The following RBBP8NL variants were observed in gnomAD, a reference collection of about 807,000 sequenced individuals.
The protein encoded by RBBP8NL is RBBP8 N-terminal-like protein.
A neutral mutation model predicts 62.2 loss-of-function variants in RBBP8NL; 59 were observed. The ratio of observed to expected loss-of-function variants is 0.95; its 90% CI spans 0.77 to 1.18. The LOEUF (loss-of-function observed/expected upper bound fraction) is 1.18, where lower values mean the gene tolerates loss of function less well. Among genes scored for constraint, RBBP8NL ranks in the 50% most tolerant of loss-of-function variants. The pLI, the probability that RBBP8NL is intolerant of heterozygous loss-of-function variation, is 0.00. For synonymous variants in RBBP8NL, 412 were observed against 394.1 expected, an observed-to-expected ratio of 1.05 and a Z score of -0.54; for missense variants, 896 against 899.5, an observed-to-expected ratio of 1.00 and a Z score of 0.05.
Position 62,415,183 on chromosome 20 carries a change from TG to T in RBBP8NL, c.731del (p.Pro244HisfsTer32). The T allele has an allele frequency of 6.5e-7, 1 of 1,530,410 alleles. No homozygotes were observed. 94.8% of individuals were successfully genotyped at this position (1,530,410 alleles called of 1,614,324 possible). On this transcript the variant is annotated frameshift_variant, in exon 9 of 14. Transcript: ENST00000252998. LOFTEE classifies it high-confidence loss of function. ...GTGGGCTGCTCCTGGCGGGCAGTGG[TG>T]GGGGCGTCCCATTGGCGGGGCCTCG... is the stretch of plus-strand genomic sequence containing the variant. The part of the protein sequence containing the change: ...ADRGPANGTP[P>X]PLPARSSPPS...
intron 2 of RBBP8NL, among the ~76,000 whole-genome samples, chr20:62,418,706 T>A: frequency 6.6e-6 from 1 of 151,746 alleles, no homozygotes; most frequent in South Asian, 2.1e-4. Context: ...TGTCTGGGGG[T>A]GTCTGGGGGT....
rs1395854877 is a variant in RBBP8NL at position 62,410,895 on chromosome 20, G to T, written c.1978C>A (p.Pro660Thr). ...CAGGCTGGCTAGGTCTCCTCCCAGG[G>T]GCTGCTGTTGGGGGAGGGACTGTGG... ...EDHSPSPNSS[P>T]WEET Residue 660 changes from proline to threonine, a missense_variant, in exon 14 of 14, where the codon CCC (proline) becomes ACC (threonine). Transcript: ENST00000252998. 1.6e-5 allele frequency: 25 copies of T among 1,612,566 alleles called. No homozygotes were observed. Among genetic ancestry groups the T allele is most frequent in the Non-Finnish European group, 1.6e-5 (19 of 1,179,316 alleles).
chr20:62,414,679 T>A, intron 9 of RBBP8NL, 123 bp from the exon 10 acceptor site: 6 of 1,118,648 alleles, frequency 5.4e-6, no homozygotes, highest in Non-Finnish European at 7.1e-6. Context: ...TCCAGAGAGG[T>A]GCAGCAAGCT....
chr20:62,413,441 CGGCTGTGGGTGGGGAGGT>C lies in RBBP8NL; in HGVS notation c.1617_1634del (p.Pro547_Pro552del). Reference sequence around the variant, plus strand: ...GGTCAGGCGGCTGTGGGTGGGGAGGCGGCTGTGGGTGGGGAGGTGGCAGAGGCCTCCCTGTGTCTTCAT... The same window carrying C: ...GGTCAGGCGGCTGTGGGTGGGGAGGCGGCAGAGGCCTCCCTGTGTCTTCAT... On this transcript the variant is annotated inframe_deletion, in exon 11 of 14. Coordinates refer to ENST00000252998, the MANE Select transcript of RBBP8NL (RefSeq NM_080833.3). 1 of 1,457,328 alleles carries C rather than the reference CGGCTGTGGGTGGGGAGGT, an allele frequency of 6.9e-7. No individual in the cohort carries two copies. Among genetic ancestry groups the C allele is most frequent in the Non-Finnish European group, 9.0e-7 (1 of 1,106,354 alleles). The allele number at this position is 1,457,328 out of a possible 1,614,324, so 90.3% of individuals were successfully genotyped here.
rs540422306 is a variant in RBBP8NL at position 62,417,620 on chromosome 20, C to A, written c.105-301G>T. ...TGTTCCGTCCACGCACCACCCCCCC[C>A]AGTCATCTGCACGCTCCTCTGTGAC... On this transcript the variant is annotated intron_variant, in intron 3 of 13. Transcript: ENST00000252998. Among the ~76,000 whole-genome samples, 439 of 95,494 alleles carry A rather than the reference C, an allele frequency of 4.6e-3. 4 individuals carry two copies. Among genetic ancestry groups the A allele is most frequent in the South Asian group, 0.012 (28 of 2,358 alleles). 62.6% of individuals were successfully genotyped at this position (95,494 alleles called of 152,430 possible).
intron 1 of RBBP8NL, among the ~76,000 whole-genome samples, chr20:62,422,546 C>A (rs1380098463): frequency 7.5e-6 from 1 of 133,734 alleles, no homozygotes; most frequent in African/African-American, 3.1e-5. Flanking sequence ...GGCCATGGGG[C>A]CTGGGGTGGG....
intron 2 of RBBP8NL, among the ~76,000 whole-genome samples, chr20:62,418,958 G>T (rs979852756): frequency 3.3e-5 from 5 of 152,158 alleles, no homozygotes; most frequent in East Asian, 1.9e-4. Flanking sequence ...CTCCAGGTGG[G>T]TGTGGGTGCT....
Position 62,415,880 on chromosome 20 carries a change from G to T in RBBP8NL, c.452C>A (p.Ser151Tyr), listed in dbSNP as rs757019827. The change falls in exon 7 of 14, where the codon TCC becomes TAC. Residue 151 changes from serine to tyrosine, a missense_variant. By Grantham distance (144) the Ser-to-Tyr change is moderately radical. Coordinates refer to ENST00000252998, the MANE Select transcript of RBBP8NL (RefSeq NM_080833.3). ...TGTGATGGCCTTCCAGCCACCAGGG[G>T]AGGGGAGCAGCAGGGGTGAGGGGGG... The part of the protein sequence containing the change: ...SDPPSPLLLP[S>Y]PGGWKAITEK... 1 of 1,608,328 alleles carries T rather than the reference G, an allele frequency of 6.2e-7. No homozygotes were observed.
At position 62,417,217 on chromosome 20, in the gene RBBP8NL, G is replaced by C; in HGVS notation, c.200+7C>G. On this transcript the variant is annotated splice_region_variant and intron_variant, in intron 4 of 13. Coordinates refer to ENST00000252998, the MANE Select transcript of RBBP8NL (RefSeq NM_080833.3). ...GGCCATGCTGCGAGGTGTCCTCCCA[G>C]GCCCACCTGTTCTCCAGCACCCGCA... 1.9e-6 allele frequency: 3 copies of C among 1,591,880 alleles called. No individual in the cohort carries two copies. The highest frequency in any genetic ancestry group is 2.6e-6 in the Non-Finnish European group (3 of 1,167,910).
At position 62,410,355 on chromosome 20, in the gene RBBP8NL, G is replaced by T. The variant is rs538260682; in HGVS notation, c.*523C>A. The T allele has an allele frequency of 3.2e-5, 5 of 154,066 alleles. No homozygotes were observed. In the East Asian group the frequency reaches 9.6e-4, roughly 30 times the overall value. 9.5% of individuals were successfully genotyped at this position (154,066 alleles called of 1,614,324 possible). On this transcript the variant is annotated 3_prime_UTR_variant, in exon 14 of 14. Transcript: ENST00000252998. ...CATCTGTTTGCTGTCAGCCCACGAG[G>T]GGGCGTCCAAGATTGTGCTTGGAGC...
chr20:62,412,562 G>A (rs1601484762), intron 13 of RBBP8NL, 62 bp downstream of exon 13: 2 of 1,572,960 alleles, frequency 1.3e-6, no homozygotes, highest in South Asian at 2.3e-5. Context: ...TGGCACTGGG[G>A]AGAGGTGGGT....
rs1349527991 is a variant in RBBP8NL, at chr20:62,419,628, G to A, written c.20C>T (p.Ser7Leu). The A allele has an allele frequency of 6.8e-6, 11 of 1,613,292 alleles. No homozygotes were observed. The highest frequency in any genetic ancestry group is 1.6e-4 in the Middle Eastern group (1 of 6,082). The change falls in exon 2 of 14, where the codon TCG becomes TTG. Residue 7 changes from serine (S) to leucine (L), a missense_variant. By Grantham distance (145) the Ser-to-Leu change is moderately radical. Coordinates refer to ENST00000252998, the MANE Select transcript of RBBP8NL (RefSeq NM_080833.3). MESFME[S>L]LNRLKEIHEK... ...GTGGATCTCCTTCAGCCTGTTCAGC[G>A]ACTCCATGAAGCTCTCCATGGCTCC...
At position 62,422,366 on chromosome 20, in the gene RBBP8NL, G is replaced by A. The variant is rs551990286; in HGVS notation, c.-83-2636C>T. On this transcript the variant is annotated intron_variant, in intron 1 of 13. Coordinates refer to ENST00000252998, the MANE Select transcript of RBBP8NL (RefSeq NM_080833.3). ...CGCCCAGCCCCATGCCCATCCCAGC[G>A]TGGCCAAACCACCCAAGCCAGGCTT... Among the ~76,000 whole-genome samples the A allele has an allele frequency of 4.6e-5, 7 of 151,790 alleles. No homozygotes were observed. The South Asian group carries it at 1.2e-3, about 27-fold the overall frequency.
At chr20:62,411,073 C>CCTAGGTGAGA in intron 13 of RBBP8NL, 77 bp from the exon 14 acceptor site, 1 of 930,266 alleles carries the variant, frequency 1.1e-6, no homozygotes, top group Non-Finnish European at 1.7e-6. Flanking sequence ...CCTAGGGCCT[C>CCTAGGTGAGA]CTGGGTCTCC....
chr20:62,415,498 T>G, intron 8 of RBBP8NL, 80 bp downstream of exon 8: 1 of 1,488,078 alleles, frequency 6.7e-7, no homozygotes, highest in Non-Finnish European at 9.3e-7. Context: ...GAGGCTGGCA[T>G]ACTGAAAGTG....
At chr20:62,414,842 C>T (rs538440231) in intron 9 of RBBP8NL, among the ~76,000 whole-genome samples, 102 of 152,294 alleles carry the variant, frequency 6.7e-4, no homozygotes, top group African/African-American at 2.4e-3. Context: ...GCAGGGACAT[C>T]GGCCCCCTGC....
chr20:62,412,431 A>G (rs1406010276), intron 13 of RBBP8NL, among the ~76,000 whole-genome samples, 193 bp downstream of exon 13: 2 of 152,214 alleles, frequency 1.3e-5, no homozygotes, highest in African/African-American at 4.8e-5. Context: ...GAGGCTGCAC[A>G]GGAAGGACTC....
rs1204360032 is a variant in RBBP8NL, at chr20:62,413,870, C to T, written c.1481G>A (p.Gly494Asp). 2.5e-6 allele frequency: 4 copies of T among 1,596,056 alleles called. No individual in the cohort carries two copies. Among genetic ancestry groups the T allele is most frequent in the East Asian group, 2.3e-5 (1 of 44,156 alleles). The change falls in exon 10 of 14, where the codon GGC becomes GAC. Residue 494 changes from glycine (G) to aspartate (D), a missense_variant. Gly to Asp is a moderately conservative substitution (Grantham distance 94). Transcript: ENST00000252998. ...LTRSPQALSN[G>D]TKGTRVPEQE... ...CTCTGGCACTCTGGTCCCCTTGGTG[C>T]CATTGCTGAGTGCCTGGGGACTGCG...
intron 1 of RBBP8NL, 96 bp from the exon 2 acceptor site, chr20:62,419,826 GCAGA>G (rs1686754849): frequency 4.7e-6 from 3 of 634,346 alleles, no homozygotes; most frequent in Admixed American, 3.0e-5. Context: ...TCTGTATGGA[GCAGA>G]CCCCATGCCA....
Sources: gnomAD v4.1 joint callset for allele counts (sites outside exome capture counted in the v4.1 genomes callset) on GRCh38, gnomAD v4.1.1 for gene constraint, MANE v1.5 for transcripts, NCBI Gene and HGNC (gene_info 2026-07-23, HGNC 2026-07-21) for gene names.